Variants in JMY observed in about 807,000 individuals in gnomAD.
JMY encodes junction mediating and regulatory protein, p53 cofactor, also known as junction-mediating and -regulatory protein.
A neutral mutation model predicts 103.3 loss-of-function variants in JMY; 46 were observed. That is an observed-to-expected ratio of 0.45 (90% CI 0.35 to 0.57). JMY has a LOEUF of 0.57. Among genes scored for constraint, JMY ranks in the 20% least tolerant of loss-of-function variants. JMY has a pLI of 0.00. For synonymous variants in JMY, 526 were observed against 489.3 expected, an observed-to-expected ratio of 1.07 and a Z score of -0.99; for missense variants, 1,238 against 1,255.2, an observed-to-expected ratio of 0.99 and a Z score of 0.21.
chr5:79,325,251 T>C lies in JMY; in HGVS notation c.*3649T>C, dbSNP rs1235940728. 6.6e-5 allele frequency: 10 copies of C among 152,198 alleles called. No individual in the cohort carries two copies. The highest frequency in any genetic ancestry group is 1.2e-4 in the Non-Finnish European group (8 of 68,008). The allele number at this position is 152,198 out of a possible 1,614,324, so 9.4% of individuals were successfully genotyped here. On this transcript the variant is annotated 3_prime_UTR_variant, in exon 11 of 11. Coordinates refer to ENST00000396137, the MANE Select transcript of JMY (RefSeq NM_152405.5). ...GGGTTTTCTTTTTTCAGCTTTATTA[T>C]TGAAGTATTACAAACTTAACATCAG...
chr5:79,282,456 AT>A (rs1295743717), intron 2 of JMY, among the ~76,000 whole-genome samples: 1 of 152,304 alleles, frequency 6.6e-6, no homozygotes, highest in East Asian at 1.9e-4. Context: ...AATAAACGTG[AT>A]TTTTTAAAAA....
rs577621579 is a variant in JMY, at chr5:79,264,786, G to A, written c.1033-13124G>A. 8.3e-4 allele frequency among the ~76,000 whole-genome samples: 127 copies of A among 152,246 alleles called. 1 individual carries two copies. Among genetic ancestry groups the A allele is most frequent in the African/African-American group, 3.0e-3 (125 of 41,546 alleles). ...TCTTAGAATAACTAAAAATGCTTCA[G>A]TAGAGGAACTGAACCATAAGAAATG... is the stretch of plus-strand genomic sequence containing the variant. On this transcript the variant is annotated intron_variant, in intron 1 of 10. Transcript: ENST00000396137.
chr5:79,322,822 A>AT lies in JMY; in HGVS notation c.*1221dup, dbSNP rs1047381104. The AT allele has an allele frequency of 3.9e-5, 6 of 152,212 alleles. No homozygotes were observed. Among genetic ancestry groups the AT allele is most frequent in the African/African-American group, 1.4e-4 (6 of 41,448 alleles). The allele number at this position is 152,212 out of a possible 1,614,324, so 9.4% of individuals were successfully genotyped here. A position where few individuals can be genotyped will look rare whatever the true frequency, so the allele number is the denominator to read the frequency against. Reference sequence around the variant, plus strand: ...CAGTACCCTGTACATATAATTCTGCATAAGACAGATCTTGGCCTTTCTGTG... The same window carrying AT: ...CAGTACCCTGTACATATAATTCTGCATTAAGACAGATCTTGGCCTTTCTGTG... On this transcript the variant is annotated 3_prime_UTR_variant, in exon 11 of 11. Coordinates refer to ENST00000396137, the MANE Select transcript of JMY (RefSeq NM_152405.5).
intron 2 of JMY, among the ~76,000 whole-genome samples, chr5:79,285,997 T>C (rs980711903): frequency 6.6e-5 from 10 of 152,342 alleles, no homozygotes; most frequent in African/African-American, 2.2e-4. Flanking sequence ...CTGTTTTCTT[T>C]CTAGCACTGA....
Position 79,236,694 on chromosome 5 carries a change from C to T in JMY, c.44C>T (p.Ala15Val). The T allele has an allele frequency of 4.0e-6, 6 of 1,491,562 alleles. No individual in the cohort carries two copies. Among genetic ancestry groups the T allele is most frequent in the East Asian group, 5.8e-5 (2 of 34,698 alleles). The allele number at this position is 1,491,562 out of a possible 1,614,324, so 92.4% of individuals were successfully genotyped here. ...LEETLESDWVAVRPHVFDERE... is the reference protein window; with the variant it reads ...LEETLESDWVVVRPHVFDERE... ...GAGACGCTCGAGTCGGACTGGGTGG[C>T]TGTGCGGCCCCATGTGTTCGACGAG... Residue 15 changes from alanine (A) to valine (V), a missense_variant, in exon 1 of 11, where the codon GCT becomes GTT. By Grantham distance (64) the Ala-to-Val change is moderately conservative. Coordinates refer to ENST00000396137, the MANE Select transcript of JMY (RefSeq NM_152405.5).
chr5:79,300,087 T>C, intron 4 of JMY, 66 bp from the exon 5 acceptor site: 2 of 1,371,486 alleles, frequency 1.5e-6, no homozygotes, highest in Admixed American at 3.5e-5. Flanking sequence ...GTATTAATTT[T>C]TAATACTAAC....
chr5:79,250,735 C>T (rs1431144395), intron 1 of JMY, among the ~76,000 whole-genome samples: 1 of 150,202 alleles, frequency 6.7e-6, no homozygotes, highest in Non-Finnish European at 1.5e-5. Context: ...AAATTTTACC[C>T]CACTATTAAT....
chr5:79,255,226 A>G (rs933610271), intron 1 of JMY, among the ~76,000 whole-genome samples: 1 of 150,116 alleles, frequency 6.7e-6, no homozygotes, highest in African/African-American at 2.5e-5. Flanking sequence ...CCTCCTGAGT[A>G]CCTGGGATTA....
Position 79,237,452 on chromosome 5 carries a change from A to C in JMY, c.802A>C (p.Thr268Pro). The C allele has an allele frequency of 6.3e-7, 1 of 1,598,832 alleles. No homozygotes were observed. The highest frequency in any genetic ancestry group is 8.5e-7 in the Non-Finnish European group (1 of 1,173,918). ...CCCCGAGGAACCTTCGGGCATGTGG[A>C]CTGTGCTGTTTGGGGGCGCCCCCGA... ...VFPEEPSGMW[T>P]VLFGGAPEMT... The change falls in exon 1 of 11, where the codon ACT (threonine) becomes CCT (proline). Residue 268 changes from threonine (T) to proline (P), a missense_variant. By Grantham distance (38) the Thr-to-Pro change is conservative. Transcript: ENST00000396137.
In JMY at chr5:79,236,932, C is replaced by T. The variant is rs1402984203; in HGVS notation, c.282C>T (p.Ala94=). The T allele has an allele frequency of 1.9e-5, 27 of 1,412,508 alleles. No individual in the cohort carries two copies. The highest frequency in any genetic ancestry group is 4.5e-4 in the Middle Eastern group (2 of 4,462). 87.5% of individuals were successfully genotyped at this position (1,412,508 alleles called of 1,614,324 possible). A position where few individuals can be genotyped will look rare whatever the true frequency, so the allele number is the denominator to read the frequency against. The part of the protein sequence containing the change: ...PAGRGRPEAT[A]SATLVRSPGP... ...GCAGGGGTCGGCCCGAGGCCACTGC[C>T]TCTGCAACTCTGGTTAGGAGCCCCG... The change falls in exon 1 of 11, where the codon GCC becomes GCT. Residue 94 remains alanine, a synonymous_variant. Transcript: ENST00000396137.
intron 1 of JMY, among the ~76,000 whole-genome samples, chr5:79,247,693 C>T (rs896386312): frequency 1.3e-5 from 2 of 151,656 alleles, no homozygotes; most frequent in Admixed American, 6.6e-5. Flanking sequence ...TGCTCTGTTG[C>T]CCAGGATGGA....
chr5:79,294,582 C>T (rs1461285201), intron 4 of JMY, among the ~76,000 whole-genome samples: 5 of 152,106 alleles, frequency 3.3e-5, no homozygotes, highest in East Asian at 1.9e-4. Flanking sequence ...CAGGGCCAGG[C>T]GCAGTGGCTT....
chr5:79,284,988 C>G (rs931436706), intron 2 of JMY: 5 of 998,490 alleles, frequency 5.0e-6, no homozygotes, highest in African/African-American at 4.9e-5. Flanking sequence ...ACTAGACGAA[C>G]CTCTAGATTT....
At chr5:79,281,492 A>G (rs1422979440) in intron 2 of JMY, among the ~76,000 whole-genome samples, 2 of 151,624 alleles carry the variant, frequency 1.3e-5, no homozygotes, top group Admixed American at 1.3e-4. Context: ...TTCAGCTCCA[A>G]TATAATTTTA....
At chr5:79,259,803 C>T (rs1745363266) in intron 1 of JMY, among the ~76,000 whole-genome samples, 1 of 152,208 alleles carries the variant, frequency 6.6e-6, no homozygotes, top group African/African-American at 2.4e-5. Flanking sequence ...CAGACACCTC[C>T]GAGCCTGCAG....
chr5:79,310,959 C>G (rs758477484), intron 7 of JMY, among the ~76,000 whole-genome samples: 100 of 152,058 alleles, frequency 6.6e-4, no homozygotes, highest in Non-Finnish European at 1.1e-3. Flanking sequence ...GACCCTGTCT[C>G]TATAAAAAAT....
chr5:79,276,353 C>T (rs1745935252), intron 1 of JMY, among the ~76,000 whole-genome samples: 1 of 152,034 alleles, frequency 6.6e-6, no homozygotes, highest in Non-Finnish European at 1.5e-5. Context: ...CTCCTGACCT[C>T]AAGTGATCTG....
intron 1 of JMY, among the ~76,000 whole-genome samples, chr5:79,246,371 AT>A (rs1271758820): frequency 1.3e-5 from 2 of 152,178 alleles, no homozygotes; most frequent in African/African-American, 4.8e-5. Flanking sequence ...GTTAACCTTT[AT>A]TGAATGCTTA....
intron 4 of JMY, among the ~76,000 whole-genome samples, chr5:79,294,281 G>A (rs1746506506): frequency 6.6e-6 from 1 of 152,108 alleles, no homozygotes; most frequent in African/African-American, 2.4e-5. Context: ...GCGTGCTCCT[G>A]TAGTCCCAGC....
Sources: gnomAD v4.1 joint callset for allele counts (sites outside exome capture counted in the v4.1 genomes callset) on GRCh38, gnomAD v4.1.1 for gene constraint, MANE v1.5 for transcripts, NCBI Gene and HGNC (gene_info 2026-07-23, HGNC 2026-07-21) for gene names.